The following CCDC88A variants were observed in gnomAD, a reference collection of about 807,000 sequenced individuals.
CCDC88A encodes the protein girdin.
A neutral mutation model predicts 234.3 loss-of-function variants in CCDC88A; 54 were observed. The observed-to-expected ratio is 0.23, with a 90% CI of 0.19 to 0.29. The LOEUF (loss-of-function observed/expected upper bound fraction) is 0.29, where lower values mean the gene tolerates loss of function less well. Ranked by LOEUF, CCDC88A falls within the 10% of genes least tolerant of loss-of-function variation. The pLI is 1.00. For missense variants in CCDC88A, 1,832 were observed against 2,123.4 expected (o/e 0.86, Z 2.70); for synonymous variants, 753 against 737.8 (o/e 1.02, Z -0.33).
At chr2:55,294,663 G>C in intron 31 of CCDC88A, 1 of 992,326 alleles carries the variant, frequency 1.0e-6, no homozygotes. Context: ...AGGAGGAAGG[G>C]AGGGAGGAAA....
At chr2:55,341,140 C>CTTT (rs562623314) in intron 12 of CCDC88A, among the ~76,000 whole-genome samples, 83 of 81,338 alleles carry the variant, frequency 1.0e-3, no homozygotes, top group South Asian at 2.3e-3. Context: ...GAATTTCTTT[C>CTTT]TTTTTTTTTT....
chr2:55,343,933 CAATTAT>C, intron 11 of CCDC88A, 141 bp from the exon 12 acceptor site: 1 of 666,048 alleles, frequency 1.5e-6, no homozygotes, highest in Non-Finnish European at 2.4e-6. Context: ...GTTTTGAAGG[CAATTAT>C]AATTATTACC....
intron 8 of CCDC88A, among the ~76,000 whole-genome samples, chr2:55,353,446 T>A (rs765172176): frequency 6.6e-6 from 1 of 152,160 alleles, no homozygotes; most frequent in Non-Finnish European, 1.5e-5. Flanking sequence ...TTTCAATAGA[T>A]ACATAATAAT....
chr2:55,383,060 A>G (rs2104863178), intron 3 of CCDC88A, among the ~76,000 whole-genome samples: 1 of 80,522 alleles, frequency 1.2e-5, no homozygotes, highest in South Asian at 4.1e-4. Flanking sequence ...TACAGGTTCT[A>G]AATCATAAAA....
rs117301111 is a variant in CCDC88A, at chr2:55,291,933, C to T, written c.5552-158G>A. On this transcript the variant is annotated intron_variant, in intron 31 of 32. Coordinates refer to ENST00000436346, the MANE Select transcript of CCDC88A (RefSeq NM_001365480.1). ...CATAGGCATCTCAATACTTAAAGAT[C>T]GATTTTTATATTTTAAAGCTATAAG... The T allele has an allele frequency of 5.8e-5, 28 of 483,614 alleles. No homozygotes were observed. The East Asian group carries it at 8.8e-4, about 15-fold the overall frequency. 30.0% of individuals were successfully genotyped at this position (483,614 alleles called of 1,614,324 possible). A position where few individuals can be genotyped will look rare whatever the true frequency, so the allele number is the denominator to read the frequency against.
chr2:55,364,458 C>T (rs747282940), intron 5 of CCDC88A, among the ~76,000 whole-genome samples: 2 of 152,044 alleles, frequency 1.3e-5, no homozygotes, highest in Non-Finnish European at 2.9e-5. Flanking sequence ...CCAAACAACA[C>T]AGCCTTTCTT....
At chr2:55,361,352 T>C (rs912197626) in intron 7 of CCDC88A, among the ~76,000 whole-genome samples, 7 of 152,204 alleles carry the variant, frequency 4.6e-5, no homozygotes, top group African/African-American at 1.7e-4. Context: ...TTCCAATTTA[T>C]TCTTTCCTTC....
chr2:55,401,539 T>G (rs1460232843), intron 2 of CCDC88A, among the ~76,000 whole-genome samples: 1 of 46,270 alleles, frequency 2.2e-5, no homozygotes, highest in East Asian at 3.5e-4. Flanking sequence ...TATATATATA[T>G]TCCTTCAACT....
In CCDC88A at chr2:55,374,357, A is replaced by C. The variant is rs529976212; in HGVS notation, c.343+457T>G. Among the ~76,000 whole-genome samples the C allele has an allele frequency of 5.9e-5, 9 of 152,306 alleles. No homozygotes were observed. In the South Asian group the frequency reaches 1.9e-3, roughly 32 times the overall value. Reference sequence around the variant, plus strand: ...CACTCTAGCCTGGGCAACAAGAGCGAAACTGCATCTCTAAATAAATAAATA... The same window carrying C: ...CACTCTAGCCTGGGCAACAAGAGCGCAACTGCATCTCTAAATAAATAAATA... On this transcript the variant is annotated intron_variant, in intron 4 of 32. Transcript: ENST00000436346.
intron 2 of CCDC88A, among the ~76,000 whole-genome samples, chr2:55,415,065 C>A (rs368785650): frequency 3.7e-3 from 456 of 122,766 alleles, no homozygotes; most frequent in Non-Finnish European, 3.8e-3. Context: ...GACTCTGTTT[C>A]AAAAAAAAAA....
chr2:55,358,337 A>C (rs985783663), intron 7 of CCDC88A, among the ~76,000 whole-genome samples: 9 of 152,056 alleles, frequency 5.9e-5, no homozygotes, highest in Middle Eastern at 6.3e-3. Flanking sequence ...TTCAAGTTTG[A>C]CTCTATCGCT....
At chr2:55,399,931 G>T (rs1678330095) in intron 2 of CCDC88A, among the ~76,000 whole-genome samples, 2 of 152,080 alleles carry the variant, frequency 1.3e-5, no homozygotes, top group South Asian at 4.1e-4. Flanking sequence ...GTTTTTATCA[G>T]CTTCCTCAGG....
At chr2:55,294,625 ACAGT>A (rs1302493428) in intron 31 of CCDC88A, 31 of 988,064 alleles carry the variant, frequency 3.1e-5, no homozygotes, top group Middle Eastern at 1.0e-3. Context: ...AAAAGGAGTG[ACAGT>A]CAGAGCAAGT....
At chr2:55,296,143 T>G (rs896001970) in intron 30 of CCDC88A, 87 bp from the exon 31 acceptor site, 1 of 1,330,012 alleles carries the variant, frequency 7.5e-7, no homozygotes, top group African/African-American at 1.5e-5. Flanking sequence ...AATATAAAAT[T>G]GTGGTACCTC....
chr2:55,410,224 G>C (rs544729287), intron 2 of CCDC88A, among the ~76,000 whole-genome samples: 1 of 152,306 alleles, frequency 6.6e-6, no homozygotes, highest in African/African-American at 2.4e-5. Flanking sequence ...GGGAGTACAA[G>C]AGCTTAGACC....
chr2:55,293,494 AT>A (rs372092992), intron 31 of CCDC88A: 10,527 of 143,572 alleles, frequency 0.073, 1,014 homozygotes, highest in African/African-American at 0.23. Flanking sequence ...TACCAGAACC[AT>A]TTTTTTTTTT....
chr2:55,308,740 C>A (rs879629606), intron 25 of CCDC88A, 69 bp downstream of exon 25: 2 of 1,173,970 alleles, frequency 1.7e-6, no homozygotes, highest in South Asian at 1.3e-5. Context: ...CAAAGGACTA[C>A]TGAAGTTTTA....
Position 55,304,726 on chromosome 2 carries a change from G to A in CCDC88A, c.4388-1574C>T, listed in dbSNP as rs567205263. 5.3e-5 allele frequency among the ~76,000 whole-genome samples: 8 copies of A among 152,106 alleles called. No individual in the cohort carries two copies. The South Asian group carries it at 8.3e-4, about 16-fold the overall frequency. ...GAGTCATTAGAACAAAAATAAAAAC[G>A]TTCACTAGAGTCACTAACCATTCTT... is the stretch of plus-strand genomic sequence containing the variant. On this transcript the variant is annotated intron_variant, in intron 25 of 32. Coordinates refer to ENST00000436346, the MANE Select transcript of CCDC88A (RefSeq NM_001365480.1).
At chr2:55,393,296 T>TTTTG (rs1421906173) in intron 2 of CCDC88A, among the ~76,000 whole-genome samples, 1 of 125,412 alleles carries the variant, frequency 8.0e-6, no homozygotes, top group South Asian at 2.8e-4. Context: ...TGGGTTTTTT[T>TTTTG]TTTTTTTTTT....
Sources: gnomAD v4.1 joint callset for allele counts (sites outside exome capture counted in the v4.1 genomes callset) on GRCh38, gnomAD v4.1.1 for gene constraint, MANE v1.5 for transcripts, NCBI Gene and HGNC (gene_info 2026-07-23, HGNC 2026-07-21) for gene names.